Variants in CDH13 observed in about 807,000 individuals in gnomAD.
CDH13 encodes the protein cadherin-13.
CDH13 carries 24 observed loss-of-function variants against 63.8 expected under a neutral mutation model. That is an observed-to-expected ratio of 0.38 (90% CI 0.27 to 0.53). CDH13 has a LOEUF of 0.53. CDH13 is among the 20% of genes least tolerant of loss of function. The pLI, the probability that CDH13 is intolerant of heterozygous loss-of-function variation, is 0.85. For missense variants in CDH13, 1,049 were observed against 903.1 expected, an observed-to-expected ratio of 1.16 and a Z score of -2.07; for synonymous variants, 503 against 355.3, an observed-to-expected ratio of 1.42 and a Z score of -4.67.
At chr16:83,746,184 T>C (rs913653602) in intron 10 of CDH13, among the ~76,000 whole-genome samples, 1 of 152,162 alleles carries the variant, frequency 6.6e-6, no homozygotes. Context: ...CCAAAATCAG[T>C]CTAACTGAGT....
chr16:82,793,280 C>T (rs935140046), intron 1 of CDH13, among the ~76,000 whole-genome samples: 4 of 151,784 alleles, frequency 2.6e-5, no homozygotes, highest in Admixed American at 2.0e-4. Context: ...CATTGTGGAT[C>T]TGAGCGAGAT....
Position 83,303,295 on chromosome 16 carries a change from G to A in CDH13, c.637-41567G>A, listed in dbSNP as rs112028649. 5.9e-5 allele frequency among the ~76,000 whole-genome samples: 9 copies of A among 152,280 alleles called. 1 individual carries two copies. The highest frequency in any genetic ancestry group is 2.2e-4 in the African/African-American group (9 of 41,544). ...AATTTATTTAATGTGTATTAGCCTA[G>A]AAAATCAAAGGAGGATGATCACGCA... is the stretch of plus-strand genomic sequence containing the variant. On this transcript the variant is annotated intron_variant, in intron 5 of 13. Transcript: ENST00000567109.
At chr16:83,457,977 C>A (rs548511209) in intron 6 of CDH13, among the ~76,000 whole-genome samples, 1 of 152,298 alleles carries the variant, frequency 6.6e-6, no homozygotes, top group African/African-American at 2.4e-5. Context: ...TGAGCAGAAA[C>A]AAAAGAGGGT....
intron 1 of CDH13, among the ~76,000 whole-genome samples, chr16:82,848,572 T>A (rs1371827989): frequency 8.0e-6 from 1 of 125,076 alleles, no homozygotes; most frequent in Non-Finnish European, 1.7e-5. Flanking sequence ...TATTGTGATT[T>A]TTTTTTTTTT....
At position 82,742,014 on chromosome 16, in the gene CDH13, T is replaced by A. The variant is rs920671470; in HGVS notation, c.45+114877T>A. 4.9e-4 allele frequency among the ~76,000 whole-genome samples: 74 copies of A among 152,206 alleles called. 1 individual carries two copies. Among genetic ancestry groups the A allele is most frequent in the African/African-American group, 1.7e-3 (69 of 41,528 alleles). On this transcript the variant is annotated intron_variant, in intron 1 of 13. Transcript: ENST00000567109. ...TAGCATCATTTATAGTAGGAAAAAA[T>A]TGAAACACTCTAAATTTCTTACAAT...
chr16:82,752,580 A>C (rs2034461994), intron 1 of CDH13, among the ~76,000 whole-genome samples: 1 of 152,222 alleles, frequency 6.6e-6, no homozygotes, highest in African/African-American at 2.4e-5. Context: ...TCCAATTCTC[A>C]GTTGTGAGCT....
Position 82,888,664 on chromosome 16 carries a change from A to C in CDH13, c.157+30191A>C, listed in dbSNP as rs150014744. ...GCACTGAAGTTCTGTGATGCTTAGC[A>C]TATGTGAAACTCAAGTTTCTTCTGT... On this transcript the variant is annotated intron_variant, in intron 2 of 13. Transcript: ENST00000567109. 1.8e-3 allele frequency among the ~76,000 whole-genome samples: 276 copies of C among 152,326 alleles called. 2 individuals are homozygous for C. Among genetic ancestry groups the C allele is most frequent in the African/African-American group, 6.3e-3 (264 of 41,588 alleles).
At chr16:82,672,380 C>G (rs561343250) in intron 1 of CDH13, among the ~76,000 whole-genome samples, 9 of 152,264 alleles carry the variant, frequency 5.9e-5, no homozygotes, top group East Asian at 1.9e-4. Context: ...TATTCCTAAA[C>G]TCCCATGTAT....
intron 6 of CDH13, among the ~76,000 whole-genome samples, chr16:83,367,179 A>G (rs1007926358): frequency 6.6e-6 from 1 of 152,136 alleles, no homozygotes; most frequent in Non-Finnish European, 1.5e-5. Flanking sequence ...TTCTACCTCC[A>G]TGGATTTGCC....
At chr16:82,877,378 T>C (rs182381667) in intron 2 of CDH13, among the ~76,000 whole-genome samples, 4 of 152,342 alleles carry the variant, frequency 2.6e-5, no homozygotes, top group African/African-American at 7.2e-5. Flanking sequence ...TAGAGCCTTA[T>C]GTTTCGTGGA....
intron 7 of CDH13, among the ~76,000 whole-genome samples, chr16:83,505,756 T>G (rs943490224): frequency 5.9e-5 from 9 of 152,124 alleles, no homozygotes; most frequent in Non-Finnish European, 2.9e-5. Flanking sequence ...TTGGTTAGGC[T>G]GGTCTTGAAC....
chr16:83,481,940 A>G (rs1004896272), intron 6 of CDH13, among the ~76,000 whole-genome samples: 1 of 152,186 alleles, frequency 6.6e-6, no homozygotes, highest in Non-Finnish European at 1.5e-5. Context: ...GTGGGACTGC[A>G]TAAGAGGAGA....
At chr16:83,057,222 C>G (rs982941446) in intron 3 of CDH13, among the ~76,000 whole-genome samples, 1 of 152,170 alleles carries the variant, frequency 6.6e-6, no homozygotes, top group Non-Finnish European at 1.5e-5. Flanking sequence ...GCCTGGGCCT[C>G]CCAAAGTACT....
chr16:82,869,400 G>C (rs2040266477), intron 2 of CDH13, among the ~76,000 whole-genome samples: 1 of 151,872 alleles, frequency 6.6e-6, no homozygotes, highest in African/African-American at 2.4e-5. Flanking sequence ...GAGAAGTGCG[G>C]AAGGGGTAGA....
chr16:83,004,629 C>G (rs894422473), intron 2 of CDH13, among the ~76,000 whole-genome samples: 1 of 152,074 alleles, frequency 6.6e-6, no homozygotes, highest in Non-Finnish European at 1.5e-5. Flanking sequence ...TCCCAAGCAG[C>G]TAGGACTACA....
Position 82,861,852 on chromosome 16 carries a change from G to T in CDH13, c.157+3379G>T, listed in dbSNP as rs1245488900. Reference sequence around the variant, plus strand: ...AGCTATTTCTTCTAACGTAACCAGTGGGCTCTTCACTGCATCTTTCAGAGA... The same window carrying T: ...AGCTATTTCTTCTAACGTAACCAGTTGGCTCTTCACTGCATCTTTCAGAGA... On this transcript the variant is annotated intron_variant, in intron 2 of 13. Transcript: ENST00000567109. 3.9e-5 allele frequency among the ~76,000 whole-genome samples: 6 copies of T among 152,144 alleles called. 1 individual carries two copies. Among genetic ancestry groups the T allele is most frequent in the Admixed American group, 3.3e-4 (5 of 15,276 alleles).
chr16:83,189,029 G>T (rs773150602), intron 4 of CDH13, among the ~76,000 whole-genome samples: 1 of 152,104 alleles, frequency 6.6e-6, no homozygotes, highest in Admixed American at 6.6e-5. Context: ...TAGTAATATG[G>T]GCATGGTGCA....
intron 3 of CDH13, among the ~76,000 whole-genome samples, chr16:83,043,493 G>GTATA (rs1917507150): frequency 3.6e-5 from 1 of 27,478 alleles, no homozygotes; most frequent in South Asian, 1.8e-3. Context: ...ATATATGAGT[G>GTATA]TGTGTGTGTG....
rs79048403 is a variant in CDH13 at position 82,690,324 on chromosome 16, A to G, written c.45+63187A>G. Among the ~76,000 whole-genome samples the G allele has an allele frequency of 6.0e-3, 907 of 152,306 alleles. 3 individuals carry two copies. The highest frequency in any genetic ancestry group is 0.011 in the Non-Finnish European group (735 of 68,028). On this transcript the variant is annotated intron_variant, in intron 1 of 13. Transcript: ENST00000567109. ...TTTGGAAATGTGTCAACCCTAAAGC[A>G]TTGCTATTTTTAAATATTTAGTTGT...
Sources: allele counts gnomAD v4.1 joint callset (sites outside exome capture counted in the v4.1 genomes callset), GRCh38; gene constraint gnomAD v4.1.1; transcripts MANE v1.5; gene names NCBI Gene and HGNC (gene_info 2026-07-23, HGNC 2026-07-21).